Variants in GSDME observed in about 807,000 individuals in gnomAD.
The protein encoded by GSDME is gasdermin E.
In GSDME, 44 loss-of-function variants were observed where a neutral mutation model predicts 47.5. The ratio of observed to expected loss-of-function variants is 0.93; its 90% CI spans 0.73 to 1.19. GSDME has a LOEUF of 1.19. GSDME is among the 50% of genes most tolerant of loss of function. The pLI, the probability that GSDME is intolerant of heterozygous loss-of-function variation, is 0.00. For synonymous variants in GSDME, 258 were observed against 252.8 expected (o/e 1.02, Z -0.20); for missense variants, 663 against 604.2 (o/e 1.10, Z -1.02).
chr7:24,746,994 A>G (rs1584104886), intron 2 of GSDME, among the ~76,000 whole-genome samples: 1 of 152,336 alleles, frequency 6.6e-6, no homozygotes, highest in East Asian at 1.9e-4. Context: ...ATCCAGGATG[A>G]GCTCTGACCC....
At chr7:24,738,113 G>A (rs1584094301) in intron 3 of GSDME, among the ~76,000 whole-genome samples, 2 of 152,122 alleles carry the variant, frequency 1.3e-5, no homozygotes, top group Non-Finnish European at 2.9e-5. Flanking sequence ...CATAGTACTC[G>A]AAGTCCTAGC....
rs1584037034 is a variant in GSDME, at chr7:24,698,769, C to G, written c.*257G>C. 3.9e-6 allele frequency: 2 copies of G among 519,322 alleles called. No individual in the cohort carries two copies. The highest frequency in any genetic ancestry group is 7.0e-6 in the Non-Finnish European group (2 of 286,648). The allele number at this position is 519,322 out of a possible 1,614,324, so 32.2% of individuals were successfully genotyped here. A position where few individuals can be genotyped will look rare whatever the true frequency, so the allele number is the denominator to read the frequency against. The stretch of plus-strand genomic sequence containing the variant: ...CGTCTGAATGTATGCTAAGAATTCT[C>G]CGCCCTCCCAGCTCTTTACATGCTG... On this transcript the variant is annotated 3_prime_UTR_variant, in exon 10 of 10. Coordinates refer to ENST00000645220, the MANE Select transcript of GSDME (RefSeq NM_001127453.2).
the GSDME span, among the ~76,000 whole-genome samples, chr7:24,774,880 T>C: frequency 6.6e-5 from 10 of 151,550 alleles, no homozygotes; most frequent in South Asian, 2.1e-4. Context: ...ACCCAGCCCC[T>C]GTCTTTCATT....
rs758510426 is a variant in GSDME at position 24,702,671 on chromosome 7, A to G, written c.1257+89T>C. 38 of 1,039,728 alleles carry G rather than the reference A, an allele frequency of 3.7e-5. No homozygotes were observed. The South Asian group carries it at 4.0e-4, about 11-fold the overall frequency. 64.4% of individuals were successfully genotyped at this position (1,039,728 alleles called of 1,614,324 possible). A position where few individuals can be genotyped will look rare whatever the true frequency, so the allele number is the denominator to read the frequency against. On this transcript the variant is annotated intron_variant, in intron 9 of 9. Transcript: ENST00000645220. ...TTGAAGAGCTGTTGTGGTAAGTCCT[A>G]GAGGTGTTTTACCGGCTGCTGGATG...
chr7:24,698,572 TC>T lies in GSDME; in HGVS notation c.*453del. 4.2e-6 allele frequency: 1 copy of T among 239,836 alleles called. No individual in the cohort carries two copies. Among genetic ancestry groups the T allele is most frequent in the Admixed American group, 5.2e-5 (1 of 19,302 alleles). The allele number at this position is 239,836 out of a possible 1,614,324, so 14.9% of individuals were successfully genotyped here. A position where few individuals can be genotyped will look rare whatever the true frequency, so the allele number is the denominator to read the frequency against. On this transcript the variant is annotated 3_prime_UTR_variant, in exon 10 of 10. Coordinates refer to ENST00000645220, the MANE Select transcript of GSDME (RefSeq NM_001127453.2). ...AGGAGCATTTACAGTTCATTTTCAGTCATCAAATAACATACATCACTTCCAA... is the reference window on the plus strand; with the variant it reads ...AGGAGCATTTACAGTTCATTTTCAGTATCAAATAACATACATCACTTCCAA...
rs1164845349 is a variant in GSDME at position 24,739,310 on chromosome 7, G to A, written c.404+5252C>T. The stretch of plus-strand genomic sequence containing the variant: ...AATCTAATAATCCTGTTAAAAATGG[G>A]CAAAAGATCTAAATAGACATTTCTC... On this transcript the variant is annotated intron_variant, in intron 3 of 9. Transcript: ENST00000645220. The surrounding 1 kb of genome is among the most constrained non-coding windows in gnomAD (Gnocchi z 5.1). Among the ~76,000 whole-genome samples, 1 of 152,060 alleles carries A rather than the reference G, an allele frequency of 6.6e-6. No homozygotes were observed. The highest frequency in any genetic ancestry group is 1.5e-5 in the Non-Finnish European group (1 of 67,994).
chr7:24,723,624 G>C (rs184385828), intron 3 of GSDME, among the ~76,000 whole-genome samples: 2 of 152,124 alleles, frequency 1.3e-5, no homozygotes, highest in African/African-American at 4.8e-5. Flanking sequence ...AAAAAAAAGA[G>C]CCTAGAGAGG....
intron 7 of GSDME, chr7:24,707,553 T>C: frequency 2.6e-6 from 1 of 391,126 alleles, no homozygotes; most frequent in Non-Finnish European, 5.2e-6. Context: ...ATATGTTACC[T>C]GGAACCTAAG....
the GSDME span, among the ~76,000 whole-genome samples, chr7:24,767,566 G>A: frequency 2.6e-3 from 395 of 151,378 alleles, 2 homozygotes; most frequent in African/African-American, 9.2e-3. This position sits in a 1 kb window ranked among gnomAD's most constrained non-coding sequence, Gnocchi z 5.3. Context: ...AGTGAGAAAA[G>A]TTGGGTAGCA....
intron 5 of GSDME, among the ~76,000 whole-genome samples, chr7:24,711,968 T>C (rs1206426634): frequency 1.3e-5 from 2 of 152,212 alleles, no homozygotes; most frequent in African/African-American, 4.8e-5. Context: ...AGCATTCTCT[T>C]TATGATTCTA....
chr7:24,752,519 A>G (rs1790889352), intron 1 of GSDME, among the ~76,000 whole-genome samples: 1 of 152,210 alleles, frequency 6.6e-6, no homozygotes, highest in Non-Finnish European at 1.5e-5. Context: ...GATAGAAAAG[A>G]CACTCGCTTG....
Position 24,726,008 on chromosome 7 carries a change from G to A in GSDME, c.405-6790C>T, listed in dbSNP as rs560277909. 1.3e-5 allele frequency among the ~76,000 whole-genome samples: 2 copies of A among 152,222 alleles called. No individual in the cohort carries two copies. Among genetic ancestry groups the A allele is most frequent in the East Asian group, 1.9e-4 (1 of 5,160 alleles). On this transcript the variant is annotated intron_variant, in intron 3 of 9. Coordinates refer to ENST00000645220, the MANE Select transcript of GSDME (RefSeq NM_001127453.2). The surrounding 1 kb of genome is among the most constrained non-coding windows in gnomAD (Gnocchi z 5.6). ...AGGACGAGAGATGGCTGGAAAAGGA[G>A]ACCAGGCAGGAGCTGCTGGGAGGCG...
At chr7:24,707,345 G>A (rs774037155) in intron 7 of GSDME, 18 of 471,372 alleles carry the variant, frequency 3.8e-5, no homozygotes, top group South Asian at 2.8e-4. Context: ...CTGGGTGGCT[G>A]GAGGGTTGGC....
rs1482707931 is a variant in GSDME at position 24,728,183 on chromosome 7, C to T, written c.405-8965G>A. 6.6e-6 allele frequency among the ~76,000 whole-genome samples: 1 copy of T among 152,150 alleles called. No homozygotes were observed. Among genetic ancestry groups the T allele is most frequent in the Non-Finnish European group, 1.5e-5 (1 of 68,014 alleles). ...TAGGGGTTCTCAAGTTTTTCTCCCT[C>T]TTAAAAAGGGACACAAAGAAGAGGC... On this transcript the variant is annotated intron_variant, in intron 3 of 9. Transcript: ENST00000645220. The surrounding 1 kb of genome is among the most constrained non-coding windows in gnomAD (Gnocchi z 7.2).
At chr7:24,704,991 T>G (rs1789036325) in intron 8 of GSDME, 1 of 152,264 alleles carries the variant, frequency 6.6e-6, no homozygotes, top group Non-Finnish European at 1.5e-5. Flanking sequence ...CCCAGCCAGT[T>G]GCAGAGAATT....
intron 3 of GSDME, among the ~76,000 whole-genome samples, chr7:24,743,816 G>A (rs557580476): frequency 3.3e-5 from 5 of 152,288 alleles, no homozygotes; most frequent in Admixed American, 2.0e-4. Flanking sequence ...TTCTAAGTTC[G>A]TAGCCCCCAT....
chr7:24,768,164 A>G, the GSDME span, among the ~76,000 whole-genome samples: 1 of 152,234 alleles, frequency 6.6e-6, no homozygotes, highest in Non-Finnish European at 1.5e-5. The surrounding 1 kb of genome is among the most constrained non-coding windows in gnomAD (Gnocchi z 5.6). Flanking sequence ...TCGGTCTCTG[A>G]GGTTACTCAA....
At position 24,744,900 on chromosome 7, in the gene GSDME, G is replaced by A. The variant is rs1423092278; in HGVS notation, c.212-146C>T. ...GAAAGCCGGCAGCCATGCTGTGTGT[G>A]TGGGCAAGAAAACAGGGCAGCACGT... is the stretch of plus-strand genomic sequence containing the variant. On this transcript the variant is annotated intron_variant, in intron 2 of 9. Transcript: ENST00000645220. The surrounding 1 kb of genome is among the most constrained non-coding windows in gnomAD (Gnocchi z 4.5). 2 of 861,016 alleles carry A rather than the reference G, an allele frequency of 2.3e-6. No homozygotes were observed. The highest frequency in any genetic ancestry group is 3.7e-6 in the Non-Finnish European group (2 of 533,684). The allele number at this position is 861,016 out of a possible 1,614,324, so 53.3% of individuals were successfully genotyped here. A position where few individuals can be genotyped will look rare whatever the true frequency, so the allele number is the denominator to read the frequency against.
rs1204473882 is a variant in GSDME at position 24,712,629 on chromosome 7, CT to C, written c.698-2242del. Among the ~76,000 whole-genome samples, 1 of 152,210 alleles carries C rather than the reference CT, an allele frequency of 6.6e-6. No individual in the cohort carries two copies. The highest frequency in any genetic ancestry group is 1.9e-4 in the East Asian group (1 of 5,204). ...GAGTGGGGACAGCGGTTGAACAGGG[CT>C]GAGGCCAGAGTGACCAGCGGGTGGA... is the stretch of plus-strand genomic sequence containing the variant. On this transcript the variant is annotated intron_variant, in intron 5 of 9. Coordinates refer to ENST00000645220, the MANE Select transcript of GSDME (RefSeq NM_001127453.2). The surrounding 1 kb of genome is among the most constrained non-coding windows in gnomAD (Gnocchi z 4.4).
Sources: allele counts gnomAD v4.1 joint callset (sites outside exome capture counted in the v4.1 genomes callset), GRCh38; gene constraint gnomAD v4.1.1; non-coding constraint Gnocchi (gnomAD v3.1); transcripts MANE v1.5; gene names NCBI Gene and HGNC (gene_info 2026-07-23, HGNC 2026-07-21).